The following GABRB1 variants were observed in gnomAD, a reference collection of about 807,000 sequenced individuals.
The protein encoded by GABRB1 is gamma-aminobutyric acid receptor subunit beta-1.
A neutral mutation model predicts 51.6 loss-of-function variants in GABRB1; 17 were observed. That is an observed-to-expected ratio of 0.33 (90% CI 0.23 to 0.49). The LOEUF (loss-of-function observed/expected upper bound fraction) is 0.49, where lower values mean the gene tolerates loss of function less well. Among genes scored for constraint, GABRB1 ranks in the 20% least tolerant of loss-of-function variants. The probability of loss-of-function intolerance (pLI) is 0.99; values close to 1 mark genes in which losing one functional copy is unlikely to be tolerated. For synonymous variants in GABRB1, 247 were observed against 218.9 expected (o/e 1.13, Z -1.14); for missense variants, 410 against 600.6 (o/e 0.68, Z 3.32).
chr4:47,352,684 G>T (rs1726398378), intron 5 of GABRB1, among the ~76,000 whole-genome samples: 1 of 152,158 alleles, frequency 6.6e-6, no homozygotes, highest in Non-Finnish European at 1.5e-5. Flanking sequence ...TTTTATTCTA[G>T]ATTCTCAGTA....
chr4:47,096,572 AG>A (rs1161901645), intron 3 of GABRB1, among the ~76,000 whole-genome samples: 3 of 152,204 alleles, frequency 2.0e-5, no homozygotes, highest in Non-Finnish European at 4.4e-5. Context: ...GGAAATTTGC[AG>A]GTGTGATTAA....
chr4:47,406,531 T>C, intron 7 of GABRB1, 151 bp from the exon 8 acceptor site: 1 of 827,066 alleles, frequency 1.2e-6, no homozygotes, highest in East Asian at 2.4e-5. Context: ...TCTTTCAAAA[T>C]ATCTGCCCTT....
chr4:47,180,816 A>G (rs998108311), intron 4 of GABRB1, among the ~76,000 whole-genome samples: 23 of 152,190 alleles, frequency 1.5e-4, no homozygotes, highest in Admixed American at 1.2e-3. Flanking sequence ...TGAAGCTTTG[A>G]CAGGTGGTAG....
At chr4:47,039,916 C>T (rs576952751) in intron 3 of GABRB1, among the ~76,000 whole-genome samples, 1 of 152,164 alleles carries the variant, frequency 6.6e-6, no homozygotes, top group African/African-American at 2.4e-5. Context: ...TAAAAAGGAG[C>T]CTTTCTATAA....
intron 1 of GABRB1, among the ~76,000 whole-genome samples, chr4:47,023,707 A>G (rs552634125): frequency 1.3e-5 from 2 of 152,056 alleles, no homozygotes; most frequent in Non-Finnish European, 2.9e-5. Context: ...GGGATTTCAC[A>G]TGTGTAAATA....
intron 3 of GABRB1, among the ~76,000 whole-genome samples, chr4:47,119,336 C>T (rs575039022): frequency 6.6e-6 from 1 of 151,742 alleles, no homozygotes; most frequent in Admixed American, 6.6e-5. Flanking sequence ...AAAATAGGGG[C>T]AAATTTATGA....
intron 4 of GABRB1, among the ~76,000 whole-genome samples, chr4:47,256,179 T>C (rs147469366): frequency 6.6e-6 from 1 of 152,232 alleles, no homozygotes; most frequent in Non-Finnish European, 1.5e-5. Context: ...TGCTGATGTA[T>C]TTAGTGAAGG....
chr4:47,241,186 A>T (rs1721505344), intron 4 of GABRB1, among the ~76,000 whole-genome samples: 1 of 152,160 alleles, frequency 6.6e-6, no homozygotes, highest in Non-Finnish European at 1.5e-5. Flanking sequence ...TCTGTCTACA[A>T]TGATTTCTTG....
intron 4 of GABRB1, among the ~76,000 whole-genome samples, chr4:47,209,610 C>T (rs1216672764): frequency 6.6e-6 from 1 of 152,086 alleles, no homozygotes; most frequent in Non-Finnish European, 1.5e-5. Flanking sequence ...AAGCTATGAA[C>T]TTCAAAGTGG....
At chr4:47,400,886 C>T (rs1368485148) in intron 5 of GABRB1, among the ~76,000 whole-genome samples, 1 of 150,248 alleles carries the variant, frequency 6.7e-6, no homozygotes. Flanking sequence ...ATCCAAGTTG[C>T]TGCAAGATAC....
chr4:47,085,859 A>ACTT (rs2109576381), intron 3 of GABRB1, among the ~76,000 whole-genome samples: 1 of 152,304 alleles, frequency 6.6e-6, no homozygotes, highest in East Asian at 1.9e-4. Context: ...CCTCCACTGT[A>ACTT]AGGTAATCCA....
intron 5 of GABRB1, 32 bp from the exon 6 acceptor site, chr4:47,403,286 T>A: frequency 6.2e-7 from 1 of 1,608,150 alleles, no homozygotes; most frequent in Non-Finnish European, 8.5e-7. Context: ...TTCCTAAACT[T>A]TGTTTAACCG....
intron 4 of GABRB1, among the ~76,000 whole-genome samples, chr4:47,257,312 T>C (rs1399157329): frequency 6.6e-6 from 1 of 152,046 alleles, no homozygotes; most frequent in Non-Finnish European, 1.5e-5. Context: ...AGAACTGGAG[T>C]GCTGCACTCT....
intron 3 of GABRB1, among the ~76,000 whole-genome samples, chr4:47,036,874 A>AAAAGAAAAAAAGAAAGAAAAGT (rs1553910978): frequency 4.1e-4 from 62 of 152,254 alleles, no homozygotes; most frequent in African/African-American, 1.4e-3. Context: ...AAAAAAGAAA[A>AAAAGAAAAAAAGAAAGAAAAGT]AAAGAAAAAA....
At chr4:47,332,054 A>C (rs1014845057) in intron 5 of GABRB1, among the ~76,000 whole-genome samples, 2 of 152,230 alleles carry the variant, frequency 1.3e-5, no homozygotes, top group South Asian at 2.1e-4. Context: ...ACACCTGAGA[A>C]GAAAGCACAT....
At chr4:47,094,438 T>A (rs1459199754) in intron 3 of GABRB1, among the ~76,000 whole-genome samples, 1 of 151,960 alleles carries the variant, frequency 6.6e-6, no homozygotes, top group Non-Finnish European at 1.5e-5. Context: ...CTGGCCAGGA[T>A]GGTTTTGATC....
At chr4:47,420,339 T>G (rs1261795096) in intron 8 of GABRB1, among the ~76,000 whole-genome samples, 1 of 152,168 alleles carries the variant, frequency 6.6e-6, no homozygotes. Flanking sequence ...GTTCCTCCCT[T>G]AGATTGTCTT....
intron 5 of GABRB1, among the ~76,000 whole-genome samples, chr4:47,351,538 T>C (rs1726332488): frequency 2.7e-5 from 4 of 150,492 alleles, no homozygotes; most frequent in Admixed American, 2.6e-4. Context: ...TAGGTATATC[T>C]CCTAATGCTA....
chr4:47,252,717 A>G (rs536470393), intron 4 of GABRB1, among the ~76,000 whole-genome samples: 3 of 152,094 alleles, frequency 2.0e-5, no homozygotes, highest in Admixed American at 6.5e-5. Context: ...CATATTGGCC[A>G]GGCTGGTCTC....
Sources: allele counts gnomAD v4.1 joint callset (sites outside exome capture counted in the v4.1 genomes callset), GRCh38; gene constraint gnomAD v4.1.1; transcripts MANE v1.5; gene names NCBI Gene and HGNC (gene_info 2026-07-23, HGNC 2026-07-21).